POU5F1B: variants seen among roughly 807,000 people sequenced by gnomAD.
POU5F1B encodes POU domain, class 5, transcription factor 1B.
In POU5F1B, 24 loss-of-function variants were observed where a neutral mutation model predicts 28.1. That is an observed-to-expected ratio of 0.85 (90% CI 0.62 to 1.20). The LOEUF (loss-of-function observed/expected upper bound fraction) is 1.20, where lower values mean the gene tolerates loss of function less well. POU5F1B is among the 50% of genes most tolerant of loss of function. The pLI is 0.00. For missense variants in POU5F1B, 451 were observed against 451.5 expected (o/e 1.00, Z 0.01); for synonymous variants, 220 against 193.2 (o/e 1.14, Z -1.15).
At chr8:127,413,726 T>G (rs1423938069) in intron 1 of POU5F1B, among the ~76,000 whole-genome samples, 1 of 152,214 alleles carries the variant, frequency 6.6e-6, no homozygotes, top group South Asian at 2.1e-4. Context: ...CTGTGAGGCT[T>G]AGGCCAACCT....
chr8:127,414,417 C>T (rs1815101531), intron 1 of POU5F1B, among the ~76,000 whole-genome samples: 1 of 152,168 alleles, frequency 6.6e-6, no homozygotes, highest in Non-Finnish European at 1.5e-5. Flanking sequence ...AGGGTTGCCA[C>T]ATTATGTAAC....
chr8:127,415,914 C>G, exon 3 of POU5F1B: 1 of 1,548,102 alleles, frequency 6.5e-7, no homozygotes, highest in Non-Finnish European at 8.7e-7. Flanking sequence ...CCCCTCCAGG[C>G]GGTGGGGGTG....
exon 3 of POU5F1B, chr8:127,416,618 A>C: frequency 6.3e-7 from 1 of 1,599,270 alleles, no homozygotes; most frequent in Admixed American, 1.7e-5. Context: ...TTGTTCCTGC[A>C]GTGCCCGAAA....
chr8:127,417,203 A>G (rs1172021598), exon 3 of POU5F1B: 1 of 307,362 alleles, frequency 3.3e-6, no homozygotes, highest in Non-Finnish European at 5.5e-6. Flanking sequence ...GTAAAAAAAA[A>G]AAAAAAAGAA....
chr8:127,413,529 A>G (rs559362188), intron 1 of POU5F1B, among the ~76,000 whole-genome samples: 1 of 152,334 alleles, frequency 6.6e-6, no homozygotes, highest in South Asian at 2.1e-4. Flanking sequence ...AATTAAACAC[A>G]AAGACTTAGT....
At chr8:127,416,061 G>A (rs1333732118) in exon 3 of POU5F1B, 4 of 1,611,084 alleles carry the variant, frequency 2.5e-6, no homozygotes, top group East Asian at 2.2e-5. Flanking sequence ...CTTGCCCCCC[G>A]CCGTATGAGT....
At position 127,416,423 on chromosome 8, in the gene POU5F1B, G is replaced by C; in HGVS notation, c.557G>C (p.Arg186Pro). Residue 186 changes from arginine to proline, a missense_variant, in exon 3 of 3, where the codon CGC becomes CCC. Around this residue, in one of 3 missense-constraint regions of POU5F1B, gnomAD observed 213 missense variants for 220.4 expected, o/e 0.97. Coordinates refer to ENST00000465342, the Ensembl canonical transcript of POU5F1B. ...GTGTTCAGCCAAAAGACCATCTGCC[G>C]CTTTGAGGCTCTGCAGCTTAGCTTC... The C allele has an allele frequency of 1.9e-6, 3 of 1,608,032 alleles. No individual in the cohort carries two copies. The highest frequency in any genetic ancestry group is 2.5e-6 in the Non-Finnish European group (3 of 1,176,698).
intron 1 of POU5F1B, among the ~76,000 whole-genome samples, chr8:127,413,887 G>A (rs968483514): frequency 7.3e-6 from 1 of 137,326 alleles, no homozygotes; most frequent in African/African-American, 2.7e-5. Context: ...CACAACACCC[G>A]ATATAATACA....
rs575620851 is a variant in POU5F1B, at chr8:127,415,641, A to G, written c.-226A>G. On this transcript the variant is annotated 5_prime_UTR_variant, in exon 3 of 3. Coordinates refer to ENST00000465342, the Ensembl canonical transcript of POU5F1B. ...TTTCCAAATCTTGGCATTCTTATCC[A>G]CAAAGTGAAGATAATAATTGTCAAT... 1.7e-4 allele frequency: 124 copies of G among 709,684 alleles called. No homozygotes were observed. The East Asian group carries it at 3.2e-3, about 18-fold the overall frequency. 44.0% of individuals were successfully genotyped at this position (709,684 alleles called of 1,614,324 possible).
chr8:127,416,441 T>A (rs1453835593), exon 3 of POU5F1B: 1 of 1,608,680 alleles, frequency 6.2e-7, no homozygotes, highest in Admixed American at 1.7e-5. Flanking sequence ...GCTCTGCAGC[T>A]TAGCTTCAAG....
chr8:127,416,643 C>T (rs1308823467), exon 3 of POU5F1B: 1 of 1,600,716 alleles, frequency 6.2e-7, no homozygotes, highest in South Asian at 1.1e-5. Context: ...CACTGCAGAT[C>T]AGCCACATCG....
At chr8:127,416,097 G>T in exon 3 of POU5F1B, 1 of 1,613,144 alleles carries the variant, frequency 6.2e-7, no homozygotes, top group African/African-American at 1.3e-5. Context: ...CGTACTGTGG[G>T]CCTCAGGTTG....
intron 1 of POU5F1B, among the ~76,000 whole-genome samples, chr8:127,413,508 G>T (rs577269970): frequency 6.6e-6 from 1 of 152,156 alleles, no homozygotes; most frequent in South Asian, 2.1e-4. Flanking sequence ...AATTATTATT[G>T]CACTAAACTA....
chr8:127,416,514 T>C, exon 3 of POU5F1B: 1 of 1,609,040 alleles, frequency 6.2e-7, no homozygotes, highest in Non-Finnish European at 8.5e-7. Context: ...ACAATGAAAA[T>C]CTTCAGGAGA....
chr8:127,414,558 G>A (rs1190109059), intron 1 of POU5F1B, among the ~76,000 whole-genome samples: 2 of 152,154 alleles, frequency 1.3e-5, no homozygotes, highest in Non-Finnish European at 1.5e-5. Context: ...GAGAAACAAG[G>A]GTTAAGGACA....
chr8:127,416,537 A>G, exon 3 of POU5F1B: 1 of 1,609,086 alleles, frequency 6.2e-7, no homozygotes, highest in Non-Finnish European at 8.5e-7. Flanking sequence ...TGCAAAGCAG[A>G]AACCCTCATG....
chr8:127,414,118 A>T (rs1021521075), intron 1 of POU5F1B, among the ~76,000 whole-genome samples: 1 of 152,250 alleles, frequency 6.6e-6, no homozygotes, highest in East Asian at 1.9e-4. Flanking sequence ...AGGTAAAGTC[A>T]TATCTATCTT....
rs769385130 is a variant in POU5F1B, at chr8:127,416,431, G to A, written c.565G>A (p.Ala189Thr). The A allele has an allele frequency of 1.6e-5, 26 of 1,608,220 alleles. 1 individual carries two copies. In the South Asian group the frequency reaches 2.7e-4, roughly 17 times the overall value. Residue 189 changes from alanine to threonine, a missense_variant, in exon 3 of 3, where the codon GCT becomes ACT. Ala to Thr is a moderately conservative substitution (Grantham distance 58, BLOSUM62 0). Transcript: ENST00000465342. ...CCAAAAGACCATCTGCCGCTTTGAG[G>A]CTCTGCAGCTTAGCTTCAAGAACAT...
Position 127,416,735 on chromosome 8 carries a change from A to G in POU5F1B, c.869A>G (p.Asp290Gly), listed in dbSNP as rs754663669. Reference sequence around the variant, plus strand: ...CAGAAGGGCAAGCGATCAAGCAGCGACTATGCACAACGAGAGGATTTTGAG... The same window carrying G: ...CAGAAGGGCAAGCGATCAAGCAGCGGCTATGCACAACGAGAGGATTTTGAG... The change falls in exon 3 of 3, where the codon GAC becomes GGC. Residue 290 changes from aspartate to glycine, a missense_variant. Coordinates refer to ENST00000465342, the Ensembl canonical transcript of POU5F1B. 1.6e-5 allele frequency: 25 copies of G among 1,609,244 alleles called. No homozygotes were observed. The African/African-American group carries it at 2.5e-4, about 16-fold the overall frequency.
Sources: gnomAD v4.1 joint callset for allele counts (sites outside exome capture counted in the v4.1 genomes callset) on GRCh38, gnomAD v4.1.1 for gene constraint, gnomAD v4.1.1 regional missense constraint, MANE v1.5 for transcripts, NCBI Gene and HGNC (gene_info 2026-07-23, HGNC 2026-07-21) for gene names.